The following EGFLAM variants were observed in gnomAD, a reference collection of about 807,000 sequenced individuals.
EGFLAM encodes the protein pikachurin.
A neutral mutation model predicts 113.1 loss-of-function variants in EGFLAM; 79 were observed. That is an observed-to-expected ratio of 0.70 (90% CI 0.58 to 0.84). The LOEUF (loss-of-function observed/expected upper bound fraction) is 0.84, where lower values mean the gene tolerates loss of function less well. Among genes scored for constraint, EGFLAM ranks in the 40% least tolerant of loss-of-function variants. EGFLAM has a pLI of 0.00. For synonymous variants in EGFLAM, 504 were observed against 487.6 expected, an observed-to-expected ratio of 1.03 and a Z score of -0.44; for missense variants, 1,265 against 1,291.6, an observed-to-expected ratio of 0.98 and a Z score of 0.32.
At chr5:38,372,785 T>C (rs1740259073) in intron 6 of EGFLAM, among the ~76,000 whole-genome samples, 1 of 152,234 alleles carries the variant, frequency 6.6e-6, no homozygotes, top group Non-Finnish European at 1.5e-5. Context: ...TTAGATGACC[T>C]GTTTCATGAA....
intron 19 of EGFLAM, 169 bp downstream of exon 19, chr5:38,451,627 C>G (rs1742916751): frequency 1.0e-6 from 1 of 998,166 alleles, no homozygotes. Context: ...CAACATTCAT[C>G]TTATAGAGCA....
chr5:38,435,241 G>T lies in EGFLAM; in HGVS notation c.2271G>T (p.Gly757=). The T allele has an allele frequency of 6.2e-7, 1 of 1,613,836 alleles. No individual in the cohort carries two copies. The highest frequency in any genetic ancestry group is 2.2e-5 in the East Asian group (1 of 44,878). ...CGGGTGTCCTGAAGCCTTTCAGCGG[G>T]AGCATCCAGAAGGTACAGGCATCTC... ...KNSGVLKPFS[G]SIQKIILNDR... is the part of the protein sequence containing the mutation. The change falls in exon 16 of 22, where the codon GGG becomes GGT. Residue 757 remains glycine (G), a synonymous_variant. Transcript: ENST00000322350.
At chr5:38,267,652 G>C (rs1041697610) in intron 1 of EGFLAM, among the ~76,000 whole-genome samples, 1 of 152,128 alleles carries the variant, frequency 6.6e-6, no homozygotes, top group East Asian at 1.9e-4. Context: ...AAGTAATCCA[G>C]GCTAGAAGGC....
intron 6 of EGFLAM, among the ~76,000 whole-genome samples, chr5:38,393,606 C>T (rs750882485): frequency 6.6e-6 from 1 of 152,246 alleles, no homozygotes. Context: ...CCCTTGACCC[C>T]CTTCGTGGGC....
chr5:38,333,513 A>G (rs929609410), intron 1 of EGFLAM, among the ~76,000 whole-genome samples: 2 of 152,134 alleles, frequency 1.3e-5, no homozygotes, highest in Non-Finnish European at 2.9e-5. Context: ...GTGAGACGGT[A>G]TCTCATTATG....
At chr5:38,316,883 A>C (rs1738607878) in intron 1 of EGFLAM, among the ~76,000 whole-genome samples, 1 of 152,202 alleles carries the variant, frequency 6.6e-6, no homozygotes, top group Non-Finnish European at 1.5e-5. Flanking sequence ...AGAAAAAATG[A>C]TAGCAAGAGA....
intron 11 of EGFLAM, among the ~76,000 whole-genome samples, chr5:38,417,360 A>AAC (rs1371992141): frequency 5.4e-5 from 8 of 147,530 alleles, no homozygotes; most frequent in Admixed American, 4.0e-4. Flanking sequence ...AAAAAAAAAA[A>AAC]AAAAAAAAAC....
intron 5 of EGFLAM, among the ~76,000 whole-genome samples, chr5:38,361,844 G>T (rs28731156): frequency 0.066 from 10,087 of 151,942 alleles, 393 homozygotes; most frequent in Middle Eastern, 0.11. Flanking sequence ...GGCTACCTCA[G>T]AAGAGTTGCA....
intron 1 of EGFLAM, among the ~76,000 whole-genome samples, chr5:38,318,372 T>G (rs1579765805): frequency 6.6e-6 from 1 of 151,180 alleles, no homozygotes; most frequent in East Asian, 1.9e-4. Flanking sequence ...ATACTAACTA[T>G]ATAGTGTAGT....
intron 1 of EGFLAM, chr5:38,283,989 C>T (rs1027777617): frequency 6.6e-6 from 1 of 152,374 alleles, no homozygotes; most frequent in Non-Finnish European, 1.5e-5. Context: ...AAGCCACAGA[C>T]ACCTGCAGGT....
chr5:38,358,924 T>C (rs1312802583), intron 5 of EGFLAM, among the ~76,000 whole-genome samples: 1 of 152,198 alleles, frequency 6.6e-6, no homozygotes, highest in Non-Finnish European at 1.5e-5. Flanking sequence ...ACAAAAGCCA[T>C]GTGTTTGAGG....
rs1743399847 is a variant in EGFLAM, at chr5:38,464,401, C to T, written c.*415C>T. On this transcript the variant is annotated 3_prime_UTR_variant, in exon 22 of 22. Transcript: ENST00000322350. ...CTCTCCTTCCCTGACTCATGACACTCTTCCTGACAGCAGAATGACTGTGTG... is the reference window on the plus strand; with the variant it reads ...CTCTCCTTCCCTGACTCATGACACTTTTCCTGACAGCAGAATGACTGTGTG... The T allele has an allele frequency of 5.7e-6, 1 of 176,178 alleles. No individual in the cohort carries two copies. Among genetic ancestry groups the T allele is most frequent in the African/African-American group, 2.4e-5 (1 of 42,352 alleles). 10.9% of individuals were successfully genotyped at this position (176,178 alleles called of 1,614,324 possible).
intron 1 of EGFLAM, among the ~76,000 whole-genome samples, chr5:38,308,455 C>T (rs1758785146): frequency 6.6e-6 from 1 of 152,200 alleles, no homozygotes; most frequent in African/African-American, 2.4e-5. Context: ...ATTGGAAGAA[C>T]ACCAATTTTG....
Position 38,438,445 on chromosome 5 carries a change from C to T in EGFLAM, c.2454C>T (p.His818=), listed in dbSNP as rs147068236. ...GCCCCTTGGGCTTTGAGGGGCTTCA[C>T]TGCCAGAAAGGTACGCTCAGGGGTC... is the stretch of plus-strand genomic sequence containing the variant. The part of the protein sequence containing the change: ...CDCPLGFEGL[H]CQKAIIEAIE... Residue 818 remains histidine, a synonymous_variant, in exon 17 of 22, where the codon CAC becomes CAT. Coordinates refer to ENST00000322350, the MANE Select transcript of EGFLAM (RefSeq NM_152403.4). 9.3e-5 allele frequency: 149 copies of T among 1,608,376 alleles called. No individual in the cohort carries two copies. The highest frequency in any genetic ancestry group is 1.7e-5 in the Admixed American group (1 of 59,598).
At position 38,427,018 on chromosome 5, in the gene EGFLAM, T is replaced by C; in HGVS notation, c.1820T>C (p.Leu607Ser). ...ATGCTTGTTTTTTCAGCTTTCACCTTGACCATTCCTCAGTTCAGAGAGTCT... is the reference window on the plus strand; with the variant it reads ...ATGCTTGTTTTTTCAGCTTTCACCTCGACCATTCCTCAGTTCAGAGAGTCT... ...KGRHCEDAFT[L>S]TIPQFRESLR... is the part of the protein sequence containing the mutation. Residue 607 changes from leucine (L) to serine (S), a missense_variant, in exon 14 of 22, where the codon TTG (leucine) becomes TCG (serine). Transcript: ENST00000322350. The C allele has an allele frequency of 6.2e-7, 1 of 1,613,966 alleles. No homozygotes were observed. The highest frequency in any genetic ancestry group is 8.5e-7 in the Non-Finnish European group (1 of 1,179,976).
chr5:38,427,942 G>A (rs571328138), intron 14 of EGFLAM, among the ~76,000 whole-genome samples: 2 of 152,286 alleles, frequency 1.3e-5, no homozygotes, highest in African/African-American at 4.8e-5. Context: ...AAATTACTTA[G>A]CAGGTCGATT....
intron 18 of EGFLAM, among the ~76,000 whole-genome samples, chr5:38,448,867 C>T (rs1035594841): frequency 3.9e-5 from 6 of 152,228 alleles, no homozygotes; most frequent in African/African-American, 1.4e-4. Context: ...CCTGCGTCTT[C>T]ATCAGCAAAG....
intron 3 of EGFLAM, among the ~76,000 whole-genome samples, chr5:38,346,087 A>G (rs1424062585): frequency 6.6e-6 from 1 of 152,138 alleles, no homozygotes; most frequent in African/African-American, 2.4e-5. Flanking sequence ...AGCCAGCTTC[A>G]GGGAAGGTCA....
At position 38,438,430 on chromosome 5, in the gene EGFLAM, C is replaced by T; in HGVS notation, c.2439C>T (p.Gly813=). Residue 813 remains glycine, a synonymous_variant, in exon 17 of 22, where the codon GGC becomes GGT. Transcript: ENST00000322350. ...KEGYDCDCPL[G]FEGLHCQKAI... ...GCTATGACTGTGACTGCCCCTTGGG[C>T]TTTGAGGGGCTTCACTGCCAGAAAG... The T allele has an allele frequency of 6.2e-7, 1 of 1,610,888 alleles. No individual in the cohort carries two copies. Among genetic ancestry groups the T allele is most frequent in the East Asian group, 2.2e-5 (1 of 44,768 alleles).
Sources: allele counts gnomAD v4.1 joint callset (sites outside exome capture counted in the v4.1 genomes callset), GRCh38; gene constraint gnomAD v4.1.1; transcripts MANE v1.5; gene names NCBI Gene and HGNC (gene_info 2026-07-23, HGNC 2026-07-21).